Variants in ARB2A observed in about 807,000 individuals in gnomAD.
ARB2A encodes the protein cotranscriptional regulator ARB2A.
the ARB2A span, among the ~76,000 whole-genome samples, chr5:93,849,676 A>G: frequency 9.2e-5 from 14 of 152,296 alleles, no homozygotes; most frequent in Admixed American, 4.6e-4. Flanking sequence ...TAGTATTTTC[A>G]AAAGTGACTG....
chr5:93,747,223 T>G, the ARB2A span, among the ~76,000 whole-genome samples: 9 of 152,198 alleles, frequency 5.9e-5, no homozygotes, highest in Non-Finnish European at 1.2e-4. Flanking sequence ...AATTTCTGTT[T>G]ACAGCAGATA....
chr5:93,904,636 C>T, the ARB2A span, among the ~76,000 whole-genome samples: 1,884 of 151,902 alleles, frequency 0.012, 43 homozygotes, highest in African/African-American at 0.043. Context: ...ATGCATTGCA[C>T]ATTGCAGACA....
the ARB2A span, among the ~76,000 whole-genome samples, chr5:93,922,743 C>T: frequency 3.0e-4 from 44 of 149,122 alleles, no homozygotes; most frequent in Non-Finnish European, 8.9e-5. Flanking sequence ...CAAACCAGTG[C>T]CAGACGATAA....
At chr5:94,015,746 G>T in the ARB2A span, among the ~76,000 whole-genome samples, 34 of 152,010 alleles carry the variant, frequency 2.2e-4, no homozygotes, top group African/African-American at 8.0e-4. Context: ...TTTGCTATAA[G>T]ATTTTTTTTG....
the ARB2A span, chr5:93,804,766 C>G: frequency 2.3e-6 from 1 of 440,688 alleles, no homozygotes; most frequent in Non-Finnish European, 3.0e-6. Flanking sequence ...TGTTTTATTC[C>G]TCAGAAAAGA....
At chr5:93,770,476 G>A in the ARB2A span, among the ~76,000 whole-genome samples, 1 of 152,194 alleles carries the variant, frequency 6.6e-6, no homozygotes, top group Non-Finnish European at 1.5e-5. Context: ...GCAGGAGAAG[G>A]AAATAAAGGG....
chr5:93,937,319 C>A, the ARB2A span, among the ~76,000 whole-genome samples: 1 of 151,002 alleles, frequency 6.6e-6, no homozygotes, highest in Non-Finnish European at 1.5e-5. Flanking sequence ...AGAGAGAGTG[C>A]AGGCTGGCCG....
At chr5:93,909,042 C>T in the ARB2A span, among the ~76,000 whole-genome samples, 20 of 150,842 alleles carry the variant, frequency 1.3e-4, no homozygotes, top group African/African-American at 3.9e-4. Context: ...TTTTGAAAGG[C>T]CTTCATAAAA....
the ARB2A span, among the ~76,000 whole-genome samples, chr5:93,950,307 C>G: frequency 6.6e-6 from 1 of 152,104 alleles, no homozygotes; most frequent in South Asian, 2.1e-4. Context: ...TCTCCATAGT[C>G]ATTGTACTAA....
chr5:93,636,234 T>C, the ARB2A span, among the ~76,000 whole-genome samples: 29 of 152,314 alleles, frequency 1.9e-4, no homozygotes, highest in African/African-American at 7.0e-4. Context: ...CCAGTATAGA[T>C]TACCCCAGTC....
the ARB2A span, among the ~76,000 whole-genome samples, chr5:93,856,076 A>C: frequency 6.6e-6 from 1 of 151,974 alleles, no homozygotes; most frequent in Non-Finnish European, 1.5e-5. Flanking sequence ...AAAAAAATTT[A>C]GCTGAATGTA....
the ARB2A span, among the ~76,000 whole-genome samples, chr5:93,835,722 G>A: frequency 6.6e-6 from 1 of 151,942 alleles, no homozygotes; most frequent in Non-Finnish European, 1.5e-5. Context: ...ATATAAGTAT[G>A]TATGTGTACA....
the ARB2A span, chr5:93,958,881 G>A: frequency 1.2e-6 from 2 of 1,608,766 alleles, no homozygotes; most frequent in Non-Finnish European, 1.7e-6. Context: ...CCACTACCAT[G>A]AATTAAAACC....
At chr5:93,741,641 AG>A in the ARB2A span, 1 of 1,426,142 alleles carries the variant, frequency 7.0e-7, no homozygotes, top group Non-Finnish European at 9.2e-7. Flanking sequence ...GGCCCCCTCA[AG>A]CCCCGCCCCC....
chr5:93,999,502 C>CT, the ARB2A span, among the ~76,000 whole-genome samples: 1 of 151,840 alleles, frequency 6.6e-6, no homozygotes, highest in Non-Finnish European at 1.5e-5. Context: ...GAAAATGTTT[C>CT]TTTTTTTAAG....
the ARB2A span, among the ~76,000 whole-genome samples, chr5:94,081,605 C>T: frequency 6.2e-4 from 95 of 152,078 alleles, 1 homozygote; most frequent in Non-Finnish European, 1.1e-3. Flanking sequence ...AAAAACCACA[C>T]ATATTGTACG....
At chr5:94,075,272 G>A in the ARB2A span, among the ~76,000 whole-genome samples, 2 of 151,920 alleles carry the variant, frequency 1.3e-5, no homozygotes, top group Non-Finnish European at 2.9e-5. Context: ...TTCCTATAGT[G>A]TAATTAAAAA....
At chr5:93,922,280 T>C in the ARB2A span, among the ~76,000 whole-genome samples, 1 of 151,650 alleles carries the variant, frequency 6.6e-6, no homozygotes, top group Admixed American at 6.6e-5. Context: ...ATTGTGGATA[T>C]GGGGGAAAAA....
At chr5:93,807,028 T>A in the ARB2A span, among the ~76,000 whole-genome samples, 1 of 152,108 alleles carries the variant, frequency 6.6e-6, no homozygotes, top group East Asian at 1.9e-4. Flanking sequence ...TTGCCAAAAG[T>A]AACCTTTTTG....
Sources: gnomAD v4.1 joint callset for allele counts (sites outside exome capture counted in the v4.1 genomes callset) on GRCh38, gnomAD v4.1.1 for gene constraint, MANE v1.5 for transcripts, NCBI Gene and HGNC (gene_info 2026-07-23, HGNC 2026-07-21) for gene names.